The following ANKRD11 variants were observed in gnomAD, a reference collection of about 807,000 sequenced individuals.
ANKRD11 encodes ankyrin repeat domain 11.
Under a neutral mutation model 195.7 loss-of-function variants are expected in ANKRD11, and 17 were observed. The observed-to-expected ratio is 0.09, with a 90% CI of 0.06 to 0.13. The LOEUF (loss-of-function observed/expected upper bound fraction) is 0.13. Ranked by LOEUF, ANKRD11 falls within the 10% of genes least tolerant of loss-of-function variation. The pLI is 1.00. For missense variants in ANKRD11, 3,735 were observed against 3,566.1 expected (o/e 1.05, Z -1.21); for synonymous variants, 1,953 against 1,528.1 (o/e 1.28, Z -6.49).
chr16:89,476,286 G>C (rs1273166211), intron 1 of ANKRD11, among the ~76,000 whole-genome samples: 1 of 152,226 alleles, frequency 6.6e-6, no homozygotes, highest in East Asian at 1.9e-4. Flanking sequence ...ACTTGTCACA[G>C]CCTTAATAAC....
rs368773165 is a variant in ANKRD11, at chr16:89,274,934, C to T, written c.7593G>A (p.Glu2531=). The change falls in exon 11 of 13, where the codon GAG becomes GAA. Residue 2531 remains glutamate (E), a synonymous_variant. Coordinates refer to ENST00000301030, the MANE Select transcript of ANKRD11 (RefSeq NM_013275.6). ...GGCAGTGAACCCGCAGAATCTCCTG[C>T]TCACAGGATACGATCAGCTTCTCCT... ...IEREKLIVSC[E]QEILRVHCRA... 9.9e-6 allele frequency: 16 copies of T among 1,613,486 alleles called. No individual in the cohort carries two copies. The highest frequency in any genetic ancestry group is 1.2e-5 in the Non-Finnish European group (14 of 1,180,042).
chr16:89,372,196 G>C (rs559208330), intron 2 of ANKRD11, among the ~76,000 whole-genome samples: 2 of 152,246 alleles, frequency 1.3e-5, no homozygotes, highest in African/African-American at 4.8e-5. Flanking sequence ...CAGCGGCAGC[G>C]CACGGCAAGA....
At chr16:89,408,274 C>G (rs2041987376) in intron 2 of ANKRD11, among the ~76,000 whole-genome samples, 2 of 152,378 alleles carry the variant, frequency 1.3e-5, no homozygotes, top group African/African-American at 4.8e-5. Flanking sequence ...AGAGAAGTGG[C>G]AGCCCTTCCA....
chr16:89,345,513 C>G (rs2038899268), intron 2 of ANKRD11, among the ~76,000 whole-genome samples: 1 of 152,184 alleles, frequency 6.6e-6, no homozygotes, highest in African/African-American at 2.4e-5. Flanking sequence ...TCCAGTGGCC[C>G]CAGGCTCTCC....
At chr16:89,393,490 CTTT>C (rs5818715) in intron 2 of ANKRD11, among the ~76,000 whole-genome samples, 23 of 117,062 alleles carry the variant, frequency 2.0e-4, no homozygotes, top group African/African-American at 5.0e-4. Context: ...TATCCAGCTG[CTTT>C]TTTTTTTTTT....
chr16:89,283,336 G>A lies in ANKRD11; in HGVS notation c.3206C>T (p.Thr1069Ile). ...TTTCCTTTCTTTGTCTTTGCCATGT[G>A]TGTCTTTATGTTTTTCCTTGGTATC... Reference protein sequence around the residue: ...KKDTKEKHKDTHGKDKERKAS... With the variant: ...KKDTKEKHKDIHGKDKERKAS... Residue 1069 changes from threonine (T) to isoleucine (I), a missense_variant, in exon 9 of 13, where the codon ACA becomes ATA. Transcript: ENST00000301030. The surrounding 1 kb of genome is among the most constrained non-coding windows in gnomAD (Gnocchi z 4.3). 6.2e-7 allele frequency: 1 copy of A among 1,613,804 alleles called. No homozygotes were observed. Among genetic ancestry groups the A allele is most frequent in the Non-Finnish European group, 8.5e-7 (1 of 1,180,022 alleles).
intron 4 of ANKRD11, among the ~76,000 whole-genome samples, chr16:89,293,154 A>G (rs1810681745): frequency 6.6e-6 from 1 of 152,110 alleles, no homozygotes; most frequent in Non-Finnish European, 1.5e-5. Flanking sequence ...GCACATTCAG[A>G]GGCCTGCTCC....
chr16:89,471,628 T>TACAAAAATTATCCGGGCGTGGTGGCGGAC (rs2057087278), intron 1 of ANKRD11, among the ~76,000 whole-genome samples: 1 of 151,412 alleles, frequency 6.6e-6, no homozygotes, highest in Non-Finnish European at 1.5e-5. Context: ...CTACTAAAAA[T>TACAAAAATTATCCGGGCGTGGTGGCGGAC]ACAAAAATTA....
intron 7 of ANKRD11, chr16:89,288,270 A>T: frequency 1.6e-6 from 1 of 645,156 alleles, no homozygotes; most frequent in South Asian, 1.8e-5. Flanking sequence ...AAATCCAACC[A>T]GACCTACACG....
intron 2 of ANKRD11, among the ~76,000 whole-genome samples, chr16:89,366,349 A>C (rs1389500219): frequency 1.3e-5 from 2 of 152,154 alleles, no homozygotes; most frequent in East Asian, 3.8e-4. Context: ...ATACCCAGTA[A>C]TGAGACTGCT....
At chr16:89,330,899 T>C (rs1053379239) in intron 2 of ANKRD11, among the ~76,000 whole-genome samples, 3 of 152,206 alleles carry the variant, frequency 2.0e-5, no homozygotes, top group African/African-American at 7.2e-5. Flanking sequence ...CAGTTCTAGT[T>C]AGTGCCATAT....
In ANKRD11 at chr16:89,284,634, GTGTTT is replaced by G. The variant is rs886041125; in HGVS notation, c.1903_1907del (p.Lys635GlnfsTer26). The stretch of plus-strand genomic sequence containing the variant: ...GTCCCTTCTCCTTGTTTTTGTGTTT[GTGTTT>G]TGTTTTATGTTTTTTGACAACTTTC... On this transcript the variant is annotated frameshift_variant, in exon 9 of 13. Transcript: ENST00000301030. LOFTEE classifies it high-confidence loss of function. 2 of 1,613,938 alleles carry G rather than the reference GTGTTT, an allele frequency of 1.2e-6. No individual in the cohort carries two copies. Among genetic ancestry groups the G allele is most frequent in the Non-Finnish European group, 1.7e-6 (2 of 1,180,012 alleles).
chr16:89,444,426 G>T (rs1265258882), intron 1 of ANKRD11, among the ~76,000 whole-genome samples: 1 of 149,102 alleles, frequency 6.7e-6, no homozygotes, highest in Non-Finnish European at 1.5e-5. Context: ...GCTCCAGAAA[G>T]CACTAACGGC....
chr16:89,466,018 A>G (rs943242405), intron 1 of ANKRD11, among the ~76,000 whole-genome samples: 1 of 152,046 alleles, frequency 6.6e-6, no homozygotes, highest in African/African-American at 2.4e-5. Context: ...CCACCATCAC[A>G]CTTTCTAAAA....
intron 2 of ANKRD11, among the ~76,000 whole-genome samples, chr16:89,357,800 G>A (rs994435318): frequency 3.3e-5 from 5 of 152,200 alleles, no homozygotes; most frequent in Non-Finnish European, 7.3e-5. Flanking sequence ...ACTGCTCATC[G>A]GCAAGCCAAT....
intron 1 of ANKRD11, among the ~76,000 whole-genome samples, chr16:89,468,172 A>T (rs1471367993): frequency 6.6e-6 from 1 of 152,224 alleles, no homozygotes; most frequent in African/African-American, 2.4e-5. Flanking sequence ...ACTTAGTGTT[A>T]ACTTGAAAAG....
intron 2 of ANKRD11, among the ~76,000 whole-genome samples, chr16:89,366,129 C>CAAAAAAAA (rs71387689): frequency 2.0e-4 from 12 of 60,436 alleles, no homozygotes; most frequent in African/African-American, 6.2e-4. Context: ...GACTCCATCT[C>CAAAAAAAA]AAAAAAAAAA....
rs182352974 is a variant in ANKRD11 at position 89,446,792 on chromosome 16, C to T, written c.-144-28424G>A. On this transcript the variant is annotated intron_variant, in intron 1 of 12. Coordinates refer to ENST00000301030, the MANE Select transcript of ANKRD11 (RefSeq NM_013275.6). ...AGCACCAAGGGGCCCTTCTCACACA[C>T]AGCCTCCCACTCAAACCTCGAGCAT... 6.1e-4 allele frequency among the ~76,000 whole-genome samples: 93 copies of T among 152,238 alleles called. 1 individual carries two copies. The East Asian group carries it at 0.018, about 29-fold the overall frequency.
chr16:89,276,423 A>C (rs1166449219), intron 9 of ANKRD11, among the ~76,000 whole-genome samples: 1 of 152,188 alleles, frequency 6.6e-6, no homozygotes, highest in African/African-American at 2.4e-5. Flanking sequence ...ACAGAGGGAG[A>C]GACTTCAACT....
Sources: allele counts gnomAD v4.1 joint callset (sites outside exome capture counted in the v4.1 genomes callset), GRCh38; gene constraint gnomAD v4.1.1; non-coding constraint Gnocchi (gnomAD v3.1); transcripts MANE v1.5; gene names NCBI Gene and HGNC (gene_info 2026-07-23, HGNC 2026-07-21).